TSPAN9: variants seen among roughly 807,000 people sequenced by gnomAD.
The protein encoded by TSPAN9 is tetraspanin-9.
In TSPAN9, 16 loss-of-function variants were observed where a neutral mutation model predicts 31.0. The ratio of observed to expected loss-of-function variants is 0.52; its 90% CI spans 0.35 to 0.78. The LOEUF (loss-of-function observed/expected upper bound fraction) is 0.78. Among genes scored for constraint, TSPAN9 ranks in the 30% least tolerant of loss-of-function variants. The pLI is 0.01. For missense variants in TSPAN9, 272 were observed against 312.5 expected (o/e 0.87, Z 0.98); for synonymous variants, 145 against 121.6 (o/e 1.19, Z -1.27).
intron 3 of TSPAN9, among the ~76,000 whole-genome samples, chr12:3,277,977 C>T (rs578022200): frequency 6.6e-6 from 1 of 152,344 alleles, no homozygotes; most frequent in South Asian, 2.1e-4. Flanking sequence ...GGGTCCCTTC[C>T]CACCTCCAGA....
At chr12:3,121,243 G>C (rs2098324916) in intron 2 of TSPAN9, among the ~76,000 whole-genome samples, 1 of 152,060 alleles carries the variant, frequency 6.6e-6, no homozygotes, top group Non-Finnish European at 1.5e-5. Flanking sequence ...CTCAGGCTTA[G>C]AGCTGAGGTT....
chr12:3,199,901 C>A (rs145520133), intron 2 of TSPAN9: 276 of 152,178 alleles, frequency 1.8e-3, no homozygotes, highest in Non-Finnish European at 2.4e-3. Flanking sequence ...TAGGTCTATC[C>A]GGGAGACCGC....
chr12:3,175,178 C>T (rs1185944036), intron 2 of TSPAN9, among the ~76,000 whole-genome samples: 1 of 152,198 alleles, frequency 6.6e-6, no homozygotes, highest in African/African-American at 2.4e-5. Flanking sequence ...GGGGCAGCAT[C>T]TCACCTGGGG....
intron 3 of TSPAN9, among the ~76,000 whole-genome samples, chr12:3,231,671 G>A (rs1346254043): frequency 1.3e-5 from 2 of 152,244 alleles, no homozygotes; most frequent in Admixed American, 6.5e-5. Context: ...ACAGATGTTC[G>A]CTTTGGAGCC....
chr12:3,111,957 G>A (rs1290984580), intron 2 of TSPAN9, among the ~76,000 whole-genome samples: 1 of 152,088 alleles, frequency 6.6e-6, no homozygotes, highest in Non-Finnish European at 1.5e-5. Flanking sequence ...CTCACCATGA[G>A]GAGGCTGAGC....
chr12:3,081,844 G>GTGTGTGTATATATATATATATATATA (rs57812985), intron 1 of TSPAN9, among the ~76,000 whole-genome samples: 1 of 116,768 alleles, frequency 8.6e-6, no homozygotes. Flanking sequence ...GTCTGTGTGT[G>GTGTGTGTATATATATATATATATATA]TATATATATG....
At chr12:3,179,265 A>C (rs1434415571) in intron 2 of TSPAN9, among the ~76,000 whole-genome samples, 1 of 152,108 alleles carries the variant, frequency 6.6e-6, no homozygotes, top group Non-Finnish European at 1.5e-5. Context: ...TGGGTGCATT[A>C]CACACCCCGA....
chr12:3,265,529 T>C (rs1311231968), intron 3 of TSPAN9, among the ~76,000 whole-genome samples: 1 of 152,242 alleles, frequency 6.6e-6, no homozygotes, highest in African/African-American at 2.4e-5. Context: ...TTGCTTCCTC[T>C]TGGAGAGTGG....
At chr12:3,206,380 C>G (rs1194256548) in intron 3 of TSPAN9, 1 of 455,902 alleles carries the variant, frequency 2.2e-6, no homozygotes, top group Non-Finnish European at 4.4e-6. Context: ...CTGGCTCGTC[C>G]TGCGCTGAGC....
intron 2 of TSPAN9, among the ~76,000 whole-genome samples, chr12:3,113,975 T>C (rs1276934045): frequency 2.0e-5 from 3 of 152,220 alleles, no homozygotes; most frequent in Non-Finnish European, 4.4e-5. Flanking sequence ...CCATTTATCA[T>C]TGTGTACTCA....
chr12:3,193,176 T>G (rs1410223085), intron 2 of TSPAN9, among the ~76,000 whole-genome samples: 1 of 152,050 alleles, frequency 6.6e-6, no homozygotes, highest in Non-Finnish European at 1.5e-5. Context: ...TCCCCCTTTG[T>G]TATTTTACTA....
At position 3,283,458 on chromosome 12, in the gene TSPAN9, C is replaced by G. The variant is rs1416580484; in HGVS notation, c.*342C>G. ...TCCTCACACTGACACTTTGTCCCCA[C>G]ATGGGGTGGGGAGCAGAGTGCCCGC... On this transcript the variant is annotated 3_prime_UTR_variant, in exon 9 of 9. Transcript: ENST00000011898. The G allele has an allele frequency of 9.2e-6, 2 of 217,664 alleles. No individual in the cohort carries two copies. The highest frequency in any genetic ancestry group is 1.8e-5 in the Non-Finnish European group (2 of 110,776). 13.5% of individuals were successfully genotyped at this position (217,664 alleles called of 1,614,324 possible).
At chr12:3,098,489 A>G (rs2098310233) in intron 2 of TSPAN9, among the ~76,000 whole-genome samples, 1 of 152,144 alleles carries the variant, frequency 6.6e-6, no homozygotes, top group African/African-American at 2.4e-5. Context: ...CCTGTCTAGA[A>G]CAAGGTGGTT....
At chr12:3,223,316 C>T (rs2098385509) in intron 3 of TSPAN9, among the ~76,000 whole-genome samples, 1 of 152,160 alleles carries the variant, frequency 6.6e-6, no homozygotes, top group Admixed American at 6.5e-5. Flanking sequence ...CAGCTCACCG[C>T]CAAGGCCTCC....
chr12:3,121,143 G>T (rs937125654), intron 2 of TSPAN9, among the ~76,000 whole-genome samples: 1 of 152,196 alleles, frequency 6.6e-6, no homozygotes, highest in African/African-American at 2.4e-5. Context: ...AGTGCTTTCT[G>T]TGTGTCAGGC....
chr12:3,128,028 T>A (rs1173504286), intron 2 of TSPAN9, among the ~76,000 whole-genome samples: 1 of 152,212 alleles, frequency 6.6e-6, no homozygotes, highest in African/African-American at 2.4e-5. Flanking sequence ...ACACCTATGA[T>A]GTCACTGGGC....
chr12:3,220,113 C>G (rs575554184), intron 3 of TSPAN9, among the ~76,000 whole-genome samples: 1 of 146,742 alleles, frequency 6.8e-6, no homozygotes, highest in South Asian at 2.2e-4. Context: ...CCATTGCACT[C>G]CAGCCTGGGT....
intron 2 of TSPAN9, among the ~76,000 whole-genome samples, chr12:3,114,152 T>C (rs1006187336): frequency 3.3e-5 from 5 of 152,234 alleles, no homozygotes; most frequent in Non-Finnish European, 7.3e-5. Flanking sequence ...GCAGACCATA[T>C]GGTCTCTGCT....
At chr12:3,179,359 C>G (rs79808563) in intron 2 of TSPAN9, among the ~76,000 whole-genome samples, 2,094 of 152,244 alleles carry the variant, frequency 0.014, 37 homozygotes, top group African/African-American at 0.047. Flanking sequence ...CACCTGTTCC[C>G]GTCTTTAACA....
Sources: allele counts gnomAD v4.1 joint callset (sites outside exome capture counted in the v4.1 genomes callset), GRCh38; gene constraint gnomAD v4.1.1; transcripts MANE v1.5; gene names NCBI Gene and HGNC (gene_info 2026-07-23, HGNC 2026-07-21).